The following ATAD2B variants were observed in gnomAD, a reference collection of about 807,000 sequenced individuals.
ATAD2B encodes the protein ATPase family AAA domain-containing protein 2B.
Under a neutral mutation model 167.6 loss-of-function variants are expected in ATAD2B, and 40 were observed. The ratio of observed to expected loss-of-function variants is 0.24; its 90% CI spans 0.19 to 0.31. ATAD2B has a LOEUF of 0.31. Ranked by LOEUF, ATAD2B falls within the 10% of genes least tolerant of loss-of-function variation. ATAD2B has a pLI of 1.00. For synonymous variants in ATAD2B, 579 were observed against 596.5 expected (o/e 0.97, Z 0.43); for missense variants, 1,242 against 1,757.2 (o/e 0.71, Z 5.24).
intron 19 of ATAD2B, among the ~76,000 whole-genome samples, chr2:23,794,739 T>C (rs1430711524): frequency 6.6e-6 from 1 of 152,074 alleles, no homozygotes; most frequent in African/African-American, 2.4e-5. Flanking sequence ...TACTATTAAA[T>C]ATACTATTAC....
Position 23,828,948 on chromosome 2 carries a change from A to G in ATAD2B, c.1729-9T>C. 1 of 1,550,788 alleles carries G rather than the reference A, an allele frequency of 6.4e-7. No individual in the cohort carries two copies. Among genetic ancestry groups the G allele is most frequent in the Non-Finnish European group, 8.9e-7 (1 of 1,127,218 alleles). On this transcript the variant is annotated splice_polypyrimidine_tract_variant and intron_variant, in intron 14 of 27. Coordinates refer to ENST00000238789, the MANE Select transcript of ATAD2B (RefSeq NM_017552.4). The stretch of plus-strand genomic sequence containing the variant: ...AAGATGTGTTTTCTTGCCTAAGATG[A>G]AAAGCACAGATACATAAAATCTTGC...
At chr2:23,872,021 G>A (rs1261943929) in intron 8 of ATAD2B, among the ~76,000 whole-genome samples, 2 of 152,082 alleles carry the variant, frequency 1.3e-5, no homozygotes, top group Non-Finnish European at 2.9e-5. Context: ...GGGATTACAG[G>A]TGCACACCAA....
chr2:23,912,516 C>G (rs1019651637), intron 1 of ATAD2B, among the ~76,000 whole-genome samples: 1 of 149,382 alleles, frequency 6.7e-6, no homozygotes, highest in Non-Finnish European at 1.5e-5. Context: ...CAAAAAAAAA[C>G]GAAAGGAAAA....
chr2:23,826,899 T>C (rs2149690677), intron 15 of ATAD2B, among the ~76,000 whole-genome samples: 1 of 152,292 alleles, frequency 6.6e-6, no homozygotes, highest in South Asian at 2.1e-4. Context: ...AAGGTAAAAG[T>C]TACCAAATCC....
At chr2:23,772,970 G>C (rs1678563380) in intron 22 of ATAD2B, among the ~76,000 whole-genome samples, 1 of 152,134 alleles carries the variant, frequency 6.6e-6, no homozygotes, top group Admixed American at 6.6e-5. Context: ...TCACATTCCT[G>C]GGCTCAAGCG....
chr2:23,704,721 C>T, the ATAD2B span, among the ~76,000 whole-genome samples: 12,145 of 152,210 alleles, frequency 0.08, 586 homozygotes, highest in South Asian at 0.13. Flanking sequence ...GAGCCGAGAT[C>T]GCGCCACGGC....
intron 22 of ATAD2B, among the ~76,000 whole-genome samples, chr2:23,778,086 G>A (rs1475635227): frequency 6.6e-6 from 1 of 151,898 alleles, no homozygotes; most frequent in East Asian, 1.9e-4. Context: ...AACACACCCT[G>A]AGGATGTTTT....
chr2:23,905,983 A>C (rs546867945), intron 1 of ATAD2B, among the ~76,000 whole-genome samples: 1 of 152,260 alleles, frequency 6.6e-6, no homozygotes, highest in East Asian at 1.9e-4. Flanking sequence ...CAATTTGAGA[A>C]AACCTATGAA....
At chr2:23,835,915 G>C (rs528320402) in intron 13 of ATAD2B, among the ~76,000 whole-genome samples, 1 of 150,434 alleles carries the variant, frequency 6.6e-6, no homozygotes, top group African/African-American at 2.5e-5. Context: ...CAGACTGGGT[G>C]ACAAGAGCGA....
the ATAD2B span, among the ~76,000 whole-genome samples, chr2:23,740,589 G>GA: frequency 8.6e-5 from 13 of 151,780 alleles, no homozygotes; most frequent in Non-Finnish European, 7.4e-5. Context: ...ACCCACAGCC[G>GA]ATATCATACT....
chr2:23,681,466 G>T, the ATAD2B span, among the ~76,000 whole-genome samples: 1 of 152,166 alleles, frequency 6.6e-6, no homozygotes, highest in East Asian at 1.9e-4. This position sits in a 1 kb window ranked among gnomAD's most constrained non-coding sequence, Gnocchi z 4.2. Flanking sequence ...CGATTTGAAA[G>T]GAAGGTCTTC....
chr2:23,808,068 A>AATACATAAGTAATTATATATATAATTAT (rs1684828647), intron 18 of ATAD2B, among the ~76,000 whole-genome samples: 1 of 60,952 alleles, frequency 1.6e-5, no homozygotes, highest in Admixed American at 2.0e-4. Flanking sequence ...TATAAATTAT[A>AATACATAAGTAATTATATATATAATTAT]ATATATAAGT....
At chr2:23,689,725 G>A in the ATAD2B span, 4 of 152,382 alleles carry the variant, frequency 2.6e-5, no homozygotes, top group East Asian at 7.7e-4. Flanking sequence ...ACAGCGGCTT[G>A]TAGGAATGAA....
chr2:23,699,777 C>T, the ATAD2B span, among the ~76,000 whole-genome samples: 9 of 152,200 alleles, frequency 5.9e-5, no homozygotes, highest in African/African-American at 2.2e-4. Flanking sequence ...GGGAAGGCCC[C>T]CATCCTCTAC....
chr2:23,868,522 G>C (rs1695471160), intron 9 of ATAD2B, among the ~76,000 whole-genome samples: 1 of 152,122 alleles, frequency 6.6e-6, no homozygotes, highest in Admixed American at 6.6e-5. Flanking sequence ...CAAATTCCTA[G>C]GCTCAGCCAC....
Position 23,867,886 on chromosome 2 carries a change from C to T in ATAD2B, c.1137G>A (p.Val379=), listed in dbSNP as rs759560821. ...CATCAGCCAAGCTTGCACCCACTTTCACTCGTTCTCGGAGAATACCGCTAG... is the reference window on the plus strand; with the variant it reads ...CATCAGCCAAGCTTGCACCCACTTTTACTCGTTCTCGGAGAATACCGCTAG... The part of the protein sequence containing the change: ...DLASGILRER[V]KVGASLADVD... Residue 379 remains valine, a synonymous_variant, in exon 10 of 28, where the codon GTG becomes GTA. Coordinates refer to ENST00000238789, the MANE Select transcript of ATAD2B (RefSeq NM_017552.4). The T allele has an allele frequency of 6.2e-6, 10 of 1,613,748 alleles. No homozygotes were observed. In the Admixed American group the frequency reaches 1.7e-4, roughly 27 times the overall value.
At chr2:23,743,577 AAG>A in the ATAD2B span, among the ~76,000 whole-genome samples, 1 of 150,422 alleles carries the variant, frequency 6.6e-6, no homozygotes, top group South Asian at 2.1e-4. Flanking sequence ...AAAAAAAAAA[AAG>A]AGAGAGAGAG....
intron 24 of ATAD2B, among the ~76,000 whole-genome samples, chr2:23,759,716 C>A (rs1676414447): frequency 6.6e-6 from 1 of 152,132 alleles, no homozygotes; most frequent in Non-Finnish European, 1.5e-5. Context: ...CTATTAATTT[C>A]TATTTATATA....
At chr2:23,890,465 A>G (rs1474011155) in intron 2 of ATAD2B, among the ~76,000 whole-genome samples, 1 of 152,208 alleles carries the variant, frequency 6.6e-6, no homozygotes, top group Non-Finnish European at 1.5e-5. Flanking sequence ...AAATGGATGT[A>G]ATACAGGTAT....
Sources: gnomAD v4.1 joint callset for allele counts (sites outside exome capture counted in the v4.1 genomes callset) on GRCh38, gnomAD v4.1.1 for gene constraint, Gnocchi (gnomAD v3.1) non-coding constraint, MANE v1.5 for transcripts, NCBI Gene and HGNC (gene_info 2026-07-23, HGNC 2026-07-21) for gene names.